Variants in COL25A1 observed in about 807,000 individuals in gnomAD.
The protein encoded by COL25A1 is collagen alpha-1(XXV) chain.
COL25A1 carries 103 observed loss-of-function variants against 128.4 expected under a neutral mutation model. The ratio of observed to expected loss-of-function variants is 0.80; its 90% CI spans 0.68 to 0.94. COL25A1 has a LOEUF of 0.94. Among genes scored for constraint, COL25A1 ranks in the 40% least tolerant of loss-of-function variants. The probability of loss-of-function intolerance (pLI) is 0.00; values close to 1 mark genes in which losing one functional copy is unlikely to be tolerated. For synonymous variants in COL25A1, 279 were observed against 277.2 expected (o/e 1.01, Z -0.06); for missense variants, 745 against 840.0 (o/e 0.89, Z 1.40).
chr4:109,138,789 G>A (rs1211068448), intron 3 of COL25A1, among the ~76,000 whole-genome samples: 4 of 152,028 alleles, frequency 2.6e-5, no homozygotes, highest in Non-Finnish European at 5.9e-5. Context: ...GCTCAGGCAA[G>A]CTCCACATCC....
At chr4:108,905,855 G>T (rs997688489) in intron 13 of COL25A1, among the ~76,000 whole-genome samples, 12 of 151,338 alleles carry the variant, frequency 7.9e-5, no homozygotes, top group African/African-American at 2.7e-4. Flanking sequence ...TATGTCGGGG[G>T]GGGGTGCGGG....
chr4:108,852,167 A>G, intron 26 of COL25A1, 69 bp downstream of exon 26: 1 of 1,162,824 alleles, frequency 8.6e-7, no homozygotes, highest in East Asian at 2.5e-5. Flanking sequence ...ATTTTCAAAG[A>G]TGCATATACT....
chr4:108,904,105 AAT>A (rs1743171914), intron 13 of COL25A1, among the ~76,000 whole-genome samples: 2 of 152,258 alleles, frequency 1.3e-5, no homozygotes, highest in Non-Finnish European at 2.9e-5. Context: ...CTGTGAAAAG[AAT>A]ATAAACGATA....
chr4:108,903,753 C>T lies in COL25A1; in HGVS notation c.781-2581G>A, dbSNP rs138591510. ...TAGGCATTGCTTTTATAGGCATCCA[C>T]TCTGTGTTACTTTTTCACAACTTCT... On this transcript the variant is annotated intron_variant, in intron 13 of 37. Transcript: ENST00000399132. 2.9e-3 allele frequency among the ~76,000 whole-genome samples: 443 copies of T among 152,152 alleles called. 3 individuals carry two copies. Among genetic ancestry groups the T allele is most frequent in the Non-Finnish European group, 2.0e-3 (135 of 67,916 alleles).
At chr4:109,142,830 A>G (rs1770551454) in intron 3 of COL25A1, among the ~76,000 whole-genome samples, 1 of 152,008 alleles carries the variant, frequency 6.6e-6, no homozygotes, top group East Asian at 1.9e-4. Context: ...TCTCCTGAAT[A>G]CAGCACACTG....
intron 6 of COL25A1, among the ~76,000 whole-genome samples, chr4:108,979,955 G>T (rs922199763): frequency 6.6e-6 from 1 of 152,180 alleles, no homozygotes; most frequent in Admixed American, 6.5e-5. Context: ...AAGATGGAGG[G>T]AGGAGGAGCG....
chr4:109,000,285 CTG>C (rs1755219646), intron 6 of COL25A1, among the ~76,000 whole-genome samples: 1 of 152,158 alleles, frequency 6.6e-6, no homozygotes, highest in Non-Finnish European at 1.5e-5. Flanking sequence ...AGTCCTCACA[CTG>C]TTGAGATAAG....
chr4:108,911,181 T>C (rs1744172051), intron 13 of COL25A1, among the ~76,000 whole-genome samples: 1 of 152,186 alleles, frequency 6.6e-6, no homozygotes, highest in Admixed American at 6.5e-5. Flanking sequence ...CCATGATGAA[T>C]ACAAAACCCT....
At chr4:108,867,041 G>T (rs943738157) in intron 20 of COL25A1, among the ~76,000 whole-genome samples, 1 of 152,158 alleles carries the variant, frequency 6.6e-6, no homozygotes, top group African/African-American at 2.4e-5. Context: ...ATAAAATCAT[G>T]CTGGGTTCTT....
At chr4:108,886,492 G>GTGTTTTTTTTTTT (rs58157157) in intron 18 of COL25A1, among the ~76,000 whole-genome samples, 2 of 109,246 alleles carry the variant, frequency 1.8e-5, no homozygotes, top group African/African-American at 8.0e-5. Flanking sequence ...GTGTGTGTGT[G>GTGTTTTTTTTTTT]TTTAGCTCAT....
chr4:109,089,300 G>A (rs898131918), intron 3 of COL25A1, among the ~76,000 whole-genome samples: 8 of 152,136 alleles, frequency 5.3e-5, no homozygotes, highest in Non-Finnish European at 1.0e-4. Flanking sequence ...ATTTTGGGCA[G>A]GTCAGTTCAA....
chr4:108,810,387 C>T lies in COL25A1; in HGVS notation c.*3540G>A, dbSNP rs547118323. 1 of 151,822 alleles carries T rather than the reference C, an allele frequency of 6.6e-6. No homozygotes were observed. The highest frequency in any genetic ancestry group is 1.9e-4 in the East Asian group (1 of 5,186). 9.4% of individuals were successfully genotyped at this position (151,822 alleles called of 1,614,324 possible). Reference sequence around the variant, plus strand: ...GATGTGTAAGTTCTTGCTGTCCCATCAGAACATCGTATGCACAGAATGTAA... The same window carrying T: ...GATGTGTAAGTTCTTGCTGTCCCATTAGAACATCGTATGCACAGAATGTAA... On this transcript the variant is annotated 3_prime_UTR_variant, in exon 38 of 38. Transcript: ENST00000399132.
At chr4:109,017,857 T>C (rs1268555415) in intron 5 of COL25A1, among the ~76,000 whole-genome samples, 2 of 152,174 alleles carry the variant, frequency 1.3e-5, no homozygotes, top group Non-Finnish European at 2.9e-5. Flanking sequence ...CCTCAATAAC[T>C]CAGAAACTCA....
chr4:108,920,703 A>G, intron 11 of COL25A1, 99 bp from the exon 12 acceptor site: 1 of 785,404 alleles, frequency 1.3e-6, no homozygotes, highest in Non-Finnish European at 1.9e-6. Context: ...TCTTTGCTGT[A>G]CTGAAATATG....
chr4:109,276,464 G>T (rs900839526), intron 3 of COL25A1, among the ~76,000 whole-genome samples: 1 of 151,680 alleles, frequency 6.6e-6, no homozygotes. Context: ...CACAGTACTT[G>T]CCATAGTAGG....
chr4:109,262,244 T>G (rs939321076), intron 3 of COL25A1, among the ~76,000 whole-genome samples: 1 of 151,970 alleles, frequency 6.6e-6, no homozygotes, highest in African/African-American at 2.4e-5. Context: ...CCAGGCGCAG[T>G]GGCTCACACC....
chr4:108,948,943 T>G (rs535083539), intron 8 of COL25A1, among the ~76,000 whole-genome samples: 2 of 152,218 alleles, frequency 1.3e-5, no homozygotes, highest in Non-Finnish European at 2.9e-5. Flanking sequence ...CTCTACTTGT[T>G]GTATATGATC....
chr4:108,943,266 A>T (rs1748353044), intron 8 of COL25A1, among the ~76,000 whole-genome samples: 1 of 152,220 alleles, frequency 6.6e-6, no homozygotes. Context: ...CGAAAACCAC[A>T]CTGTAATTTC....
intron 3 of COL25A1, among the ~76,000 whole-genome samples, chr4:109,141,167 G>A (rs1158013037): frequency 2.0e-5 from 3 of 152,092 alleles, no homozygotes; most frequent in South Asian, 2.1e-4. Flanking sequence ...TATTGAAGGC[G>A]TTTTCTGCAT....
Sources: gnomAD v4.1 joint callset for allele counts (sites outside exome capture counted in the v4.1 genomes callset) on GRCh38, gnomAD v4.1.1 for gene constraint, MANE v1.5 for transcripts, NCBI Gene and HGNC (gene_info 2026-07-23, HGNC 2026-07-21) for gene names.